KIAA1217: variants seen among roughly 807,000 people sequenced by gnomAD.
The protein encoded by KIAA1217 is sickle tail protein homolog.
A neutral mutation model predicts 163.9 loss-of-function variants in KIAA1217; 88 were observed. The ratio of observed to expected loss-of-function variants is 0.54; its 90% confidence interval spans 0.45 to 0.64. The LOEUF (loss-of-function observed/expected upper bound fraction) is 0.64. KIAA1217 is among the 30% of genes least tolerant of loss of function. The probability of loss-of-function intolerance (pLI) is 0.00; values close to 1 mark genes in which losing one functional copy is unlikely to be tolerated. For missense variants in KIAA1217, 2,372 were observed against 2,475.0 expected, an observed-to-expected ratio of 0.96 and a Z score of 0.88; for synonymous variants, 903 against 923.1, an observed-to-expected ratio of 0.98 and a Z score of 0.39.
At chr10:24,524,952 C>CACCTGGCCTGTAGGAAGGTGAGAT (rs2071869632) in intron 13 of KIAA1217, among the ~76,000 whole-genome samples, 188 bp downstream of exon 13, 1 of 131,702 alleles carries the variant, frequency 7.6e-6, no homozygotes, top group African/African-American at 3.5e-5. Flanking sequence ...AAGGGTGAGA[C>CACCTGGCCTGTAGGAAGGTGAGAT]ACCTGGCCTG....
At position 24,290,607 on chromosome 10, in the gene KIAA1217, CT is replaced by C. The variant is rs772470799; in HGVS notation, c.354+70712del. On this transcript the variant is annotated intron_variant, in intron 2 of 20. Transcript: ENST00000376454. ...AAGCATAATATAAACAGATGTCTCTCTTTTTTTTTTTTTTCAGACGGAGTCT... is the reference window on the plus strand; with the variant it reads ...AAGCATAATATAAACAGATGTCTCTCTTTTTTTTTTTTTCAGACGGAGTCT... 5.1e-3 allele frequency among the ~76,000 whole-genome samples: 731 copies of C among 142,634 alleles called. 5 individuals carry two copies. Among genetic ancestry groups the C allele is most frequent in the African/African-American group, 0.014 (556 of 39,200 alleles). The allele number at this position is 142,634 out of a possible 152,430, so 93.6% of individuals were successfully genotyped here.
chr10:23,723,969 G>A (rs1024225466), intron 1 of KIAA1217, among the ~76,000 whole-genome samples: 1 of 152,122 alleles, frequency 6.6e-6, no homozygotes, highest in Non-Finnish European at 1.5e-5. Flanking sequence ...TCGAATCATA[G>A]CGGAAGATAA....
In KIAA1217 at chr10:24,071,523, C is replaced by G. The variant is rs572718490; in HGVS notation, c.-171+64149C>G. On this transcript the variant is annotated intron_variant, in intron 2 of 18. Coordinates refer to the KIAA1217 transcript ENST00000376462. ...AAAAAAAAGAACTCTTTCTTTACAACTTAATATCTGATTAAATGGATACTA... is the reference window on the plus strand; with the variant it reads ...AAAAAAAAGAACTCTTTCTTTACAAGTTAATATCTGATTAAATGGATACTA... 3.3e-5 allele frequency among the ~76,000 whole-genome samples: 5 copies of G among 152,230 alleles called. No individual in the cohort carries two copies. The East Asian group carries it at 9.6e-4, about 29-fold the overall frequency.
intron 1 of KIAA1217, among the ~76,000 whole-genome samples, chr10:23,917,551 C>A (rs1842679390): frequency 6.6e-6 from 1 of 152,204 alleles, no homozygotes; most frequent in Non-Finnish European, 1.5e-5. Context: ...GATTGGAGAT[C>A]TGGAGCAAGA....
intron 3 of KIAA1217, among the ~76,000 whole-genome samples, chr10:24,383,173 TCA>T (rs1283048592): frequency 6.6e-6 from 1 of 152,104 alleles, no homozygotes; most frequent in African/African-American, 2.4e-5. Flanking sequence ...TTAACTCCAC[TCA>T]CACTTAGGAG....
chr10:23,892,022 T>A (rs147375660), intron 1 of KIAA1217, among the ~76,000 whole-genome samples: 2 of 151,944 alleles, frequency 1.3e-5, no homozygotes, highest in Admixed American at 1.3e-4. Context: ...CTAAAATTTA[T>A]AACTAATATT....
intron 1 of KIAA1217, among the ~76,000 whole-genome samples, chr10:23,998,202 T>C (rs961599280): frequency 6.6e-6 from 1 of 152,318 alleles, no homozygotes; most frequent in South Asian, 2.1e-4. Context: ...AAATATCCTT[T>C]ACCTGGTGCC....
intron 1 of KIAA1217, among the ~76,000 whole-genome samples, chr10:23,902,339 G>A (rs532411710): frequency 1.3e-5 from 2 of 152,124 alleles, no homozygotes; most frequent in South Asian, 2.1e-4. Context: ...TGGGCACATC[G>A]AGGGGAACAG....
chr10:24,451,360 G>A (rs2061359039), intron 5 of KIAA1217, among the ~76,000 whole-genome samples: 1 of 152,240 alleles, frequency 6.6e-6, no homozygotes, highest in African/African-American at 2.4e-5. Flanking sequence ...AAGGCTGAAG[G>A]TGGAGGGTTC....
At chr10:24,318,948 C>T (rs2043764206) in intron 2 of KIAA1217, among the ~76,000 whole-genome samples, 1 of 152,204 alleles carries the variant, frequency 6.6e-6, no homozygotes. Flanking sequence ...ATCCAGGACA[C>T]CTGGGTGCAC....
intron 1 of KIAA1217, among the ~76,000 whole-genome samples, chr10:23,764,520 A>G (rs1834417815): frequency 6.6e-6 from 1 of 152,246 alleles, no homozygotes; most frequent in Non-Finnish European, 1.5e-5. Flanking sequence ...CACTATTTAC[A>G]ATAGCAAAAA....
At chr10:24,113,737 T>G (rs1020547697) in intron 2 of KIAA1217, among the ~76,000 whole-genome samples, 1 of 152,182 alleles carries the variant, frequency 6.6e-6, no homozygotes, top group Non-Finnish European at 1.5e-5. Flanking sequence ...CACCACCTGA[T>G]GCATTATCCA....
intron 2 of KIAA1217, among the ~76,000 whole-genome samples, chr10:24,350,533 G>T (rs2048329141): frequency 6.6e-6 from 1 of 152,116 alleles, no homozygotes; most frequent in South Asian, 2.1e-4. Context: ...GTGTTTTCAT[G>T]ATCCGTTCAG....
At chr10:24,186,753 G>A (rs774671641) in intron 2 of KIAA1217, among the ~76,000 whole-genome samples, 1 of 152,102 alleles carries the variant, frequency 6.6e-6, no homozygotes, top group Non-Finnish European at 1.5e-5. Context: ...TAGCCAGCAT[G>A]GTGGTGAGTG....
In KIAA1217 at chr10:23,954,218, C is replaced by A. The variant is rs111575677; in HGVS notation, c.-320-53007C>A. ...AGACGGAAAGATTAAAGCAGATGCA[C>A]CCAGCAGGCAGAAAAATTATGAGTC... On this transcript the variant is annotated intron_variant, in intron 1 of 18. Coordinates refer to the KIAA1217 transcript ENST00000376462. 4.6e-3 allele frequency among the ~76,000 whole-genome samples: 694 copies of A among 152,152 alleles called. 4 individuals are homozygous for A. Among genetic ancestry groups the A allele is most frequent in the African/African-American group, 0.016 (668 of 41,488 alleles).
chr10:24,242,735 A>T (rs1233099005), intron 2 of KIAA1217, among the ~76,000 whole-genome samples: 1 of 152,182 alleles, frequency 6.6e-6, no homozygotes, highest in African/African-American at 2.4e-5. Flanking sequence ...TTTCCTCCAC[A>T]GCCTCACCAG....
intron 1 of KIAA1217, among the ~76,000 whole-genome samples, chr10:23,981,356 T>G (rs1003365696): frequency 6.6e-6 from 1 of 152,222 alleles, no homozygotes; most frequent in African/African-American, 2.4e-5. Context: ...CAATTTTACC[T>G]TTAGAAAGCA....
chr10:24,340,748 C>T (rs979872488), intron 2 of KIAA1217, among the ~76,000 whole-genome samples: 14 of 152,150 alleles, frequency 9.2e-5, no homozygotes, highest in African/African-American at 2.7e-4. Context: ...CAGAAAGAAC[C>T]GTCTAGACAG....
At position 24,520,097 on chromosome 10, in the gene KIAA1217, A is replaced by G. The variant is rs750689848; in HGVS notation, c.2178-26A>G. Reference sequence around the variant, plus strand: ...TCTGTGAGGCCTCGTGTTCAGCTCTATGTGCTGGTGTCCTTGCTCCCGCAG... The same window carrying G: ...TCTGTGAGGCCTCGTGTTCAGCTCTGTGTGCTGGTGTCCTTGCTCCCGCAG... On this transcript the variant is annotated intron_variant, in intron 10 of 20. Transcript: ENST00000376454. The G allele has an allele frequency of 1.6e-5, 25 of 1,609,546 alleles. No individual in the cohort carries two copies. The South Asian group carries it at 1.8e-4, about 11-fold the overall frequency.
Sources: gnomAD v4.1 joint callset for allele counts (sites outside exome capture counted in the v4.1 genomes callset) on GRCh38, gnomAD v4.1.1 for gene constraint, MANE v1.5 for transcripts, NCBI Gene and HGNC (gene_info 2026-07-23, HGNC 2026-07-21) for gene names.